Variants in MED13L observed in about 807,000 individuals in gnomAD.
MED13L encodes the protein mediator of RNA polymerase II transcription subunit 13-like.
In MED13L, 7 loss-of-function variants were observed where a neutral mutation model predicts 220.9. The observed-to-expected ratio is 0.03, with a 90% CI of 0.02 to 0.06. The LOEUF (loss-of-function observed/expected upper bound fraction) is 0.06, where lower values mean the gene tolerates loss of function less well. Among genes scored for constraint, MED13L ranks in the 10% least tolerant of loss-of-function variants. The probability of loss-of-function intolerance (pLI) is 1.00; values close to 1 mark genes in which losing one functional copy is unlikely to be tolerated. For missense variants in MED13L, 1,965 were observed against 2,760.5 expected, an observed-to-expected ratio of 0.71 and a Z score of 6.46; for synonymous variants, 1,011 against 1,015.2, an observed-to-expected ratio of 1.00 and a Z score of 0.08.
At chr12:116,180,722 G>T (rs775363312) in intron 2 of MED13L, among the ~76,000 whole-genome samples, 2 of 152,114 alleles carry the variant, frequency 1.3e-5, no homozygotes, top group Non-Finnish European at 2.9e-5. Context: ...GCTCACTACT[G>T]CATCTACTTG....
intron 2 of MED13L, among the ~76,000 whole-genome samples, chr12:116,117,747 T>C (rs866399551): frequency 2.0e-5 from 3 of 152,146 alleles, no homozygotes; most frequent in African/African-American, 4.8e-5. Flanking sequence ...CCAGTTATAT[T>C]CTTCACTTCA....
chr12:116,134,209 T>G (rs1876323662), intron 2 of MED13L, among the ~76,000 whole-genome samples: 1 of 152,198 alleles, frequency 6.6e-6, no homozygotes, highest in African/African-American at 2.4e-5. Flanking sequence ...TTATTGTACT[T>G]CACACTAGTT....
At chr12:115,970,278 A>G (rs1460199770) in intron 27 of MED13L, among the ~76,000 whole-genome samples, 3 of 152,230 alleles carry the variant, frequency 2.0e-5, no homozygotes, top group African/African-American at 7.2e-5. Context: ...CACATTTCAA[A>G]TCACATCAGC....
At chr12:116,233,508 C>T (rs1052846680) in intron 2 of MED13L, among the ~76,000 whole-genome samples, 3 of 152,146 alleles carry the variant, frequency 2.0e-5, no homozygotes, top group Admixed American at 1.3e-4. Context: ...CTATGACCCA[C>T]CTACTCAGCC....
intron 1 of MED13L, among the ~76,000 whole-genome samples, chr12:116,249,292 C>T (rs1018606900): frequency 6.6e-6 from 1 of 152,140 alleles, no homozygotes; most frequent in African/African-American, 2.4e-5. Context: ...TCTATTCTAA[C>T]CCAAGCTAAT....
intron 4 of MED13L, among the ~76,000 whole-genome samples, chr12:116,051,158 A>C (rs1284750949): frequency 6.6e-6 from 1 of 152,162 alleles, no homozygotes; most frequent in Non-Finnish European, 1.5e-5. Flanking sequence ...CCACAGCATT[A>C]AAATGTTAAA....
chr12:116,229,531 G>GA (rs1021958049), intron 2 of MED13L, among the ~76,000 whole-genome samples: 10 of 151,704 alleles, frequency 6.6e-5, no homozygotes, highest in African/African-American at 9.7e-5. Context: ...ATTTTTCATA[G>GA]AAAAAAACTA....
chr12:116,254,232 A>C (rs751573345), intron 1 of MED13L, among the ~76,000 whole-genome samples: 2 of 152,084 alleles, frequency 1.3e-5, no homozygotes, highest in Non-Finnish European at 2.9e-5. Flanking sequence ...TGTAGGTCCT[A>C]ATCAATGCAA....
At chr12:116,166,940 A>G (rs1477730427) in intron 2 of MED13L, among the ~76,000 whole-genome samples, 2 of 152,206 alleles carry the variant, frequency 1.3e-5, no homozygotes, top group African/African-American at 4.8e-5. Context: ...TATTTTATTG[A>G]AATTTAAAAA....
chr12:116,260,606 G>GA (rs1872441746), intron 1 of MED13L, among the ~76,000 whole-genome samples: 1 of 152,102 alleles, frequency 6.6e-6, no homozygotes, highest in Admixed American at 6.5e-5. Context: ...ACAAAGAATA[G>GA]AATGATAGGA....
intron 28 of MED13L, among the ~76,000 whole-genome samples, chr12:115,968,065 C>CG (rs1161518943): frequency 2.2e-4 from 30 of 138,276 alleles, no homozygotes; most frequent in Non-Finnish European, 4.0e-4. Context: ...CCCCCCCCCC[C>CG]CCGATGAAAA....
chr12:116,270,295 C>A (rs980703499), intron 1 of MED13L, among the ~76,000 whole-genome samples: 3 of 152,056 alleles, frequency 2.0e-5, no homozygotes, highest in Non-Finnish European at 4.4e-5. Flanking sequence ...ACGCGCACCA[C>A]CACACCCAGC....
chr12:116,126,715 C>T (rs1447198537), intron 2 of MED13L, among the ~76,000 whole-genome samples: 2 of 152,330 alleles, frequency 1.3e-5, no homozygotes, highest in African/African-American at 2.4e-5. Flanking sequence ...ACTTCACTGG[C>T]TCTGTTGCTT....
intron 2 of MED13L, among the ~76,000 whole-genome samples, chr12:116,115,840 GA>G (rs1303020936): frequency 6.6e-6 from 1 of 152,028 alleles, no homozygotes; most frequent in Non-Finnish European, 1.5e-5. Context: ...TGGCTTAAAA[GA>G]AAAACTGACA....
chr12:116,123,729 G>A (rs973435525), intron 2 of MED13L, among the ~76,000 whole-genome samples: 6 of 151,980 alleles, frequency 3.9e-5, no homozygotes, highest in Non-Finnish European at 7.4e-5. Context: ...CTGTCTCGTT[G>A]GCATTCTCTC....
intron 2 of MED13L, among the ~76,000 whole-genome samples, chr12:116,181,796 C>T (rs1017301376): frequency 6.6e-5 from 10 of 152,156 alleles, no homozygotes; most frequent in South Asian, 2.1e-4. Context: ...TGAGCCACCA[C>T]GCCCTGTCAT....
At chr12:116,036,596 A>G (rs749449639) in intron 4 of MED13L, among the ~76,000 whole-genome samples, 1 of 152,240 alleles carries the variant, frequency 6.6e-6, no homozygotes, top group Non-Finnish European at 1.5e-5. Context: ...TTCTCAATGC[A>G]AAATGCATTC....
At chr12:116,116,439 G>A (rs1385242418) in intron 2 of MED13L, among the ~76,000 whole-genome samples, 1 of 152,112 alleles carries the variant, frequency 6.6e-6, no homozygotes, top group Non-Finnish European at 1.5e-5. Flanking sequence ...GAGAAGGCAT[G>A]GAAGCTCCTG....
intron 2 of MED13L, among the ~76,000 whole-genome samples, chr12:116,227,720 G>A (rs539166193): frequency 6.6e-6 from 1 of 152,042 alleles, no homozygotes; most frequent in Non-Finnish European, 1.5e-5. Flanking sequence ...AAGCCTAGTT[G>A]CTAGAAACAA....
Sources: allele counts gnomAD v4.1 joint callset (sites outside exome capture counted in the v4.1 genomes callset), GRCh38; gene constraint gnomAD v4.1.1; transcripts MANE v1.5; gene names NCBI Gene and HGNC (gene_info 2026-07-23, HGNC 2026-07-21).